TNS3: variants seen among roughly 807,000 people sequenced by gnomAD.
TNS3 encodes the protein tensin-3.
In TNS3, 45 loss-of-function variants were observed where a neutral mutation model predicts 140.9. That is an observed-to-expected ratio of 0.32 (90% confidence interval 0.25 to 0.41). The LOEUF (loss-of-function observed/expected upper bound fraction) is 0.41. Ranked by LOEUF, TNS3 falls within the 10% of genes least tolerant of loss-of-function variation. The pLI is 1.00. For synonymous variants in TNS3, 815 were observed against 788.4 expected (o/e 1.03, Z -0.56); for missense variants, 1,716 against 1,906.7 (o/e 0.90, Z 1.86).
intron 20 of TNS3, among the ~76,000 whole-genome samples, chr7:47,319,263 GT>G (rs1468768636): frequency 6.6e-6 from 1 of 152,174 alleles, no homozygotes; most frequent in Non-Finnish European, 1.5e-5. Flanking sequence ...TTCCATTGAT[GT>G]GCACTCTGCA....
chr7:47,328,427 C>T (rs1788149725), intron 20 of TNS3, among the ~76,000 whole-genome samples: 1 of 152,202 alleles, frequency 6.6e-6, no homozygotes, highest in Non-Finnish European at 1.5e-5. Context: ...GGCTTAGTTT[C>T]AGCCTCAGGC....
chr7:47,445,475 C>A (rs2151598817), intron 4 of TNS3, among the ~76,000 whole-genome samples: 1 of 152,318 alleles, frequency 6.6e-6, no homozygotes, highest in South Asian at 2.1e-4. Context: ...CCTTCCATCT[C>A]CTGGCTTTCA....
At chr7:47,292,975 C>T (rs1415882468) in intron 25 of TNS3, 70 bp from the exon 26 acceptor site, 1 of 1,392,808 alleles carries the variant, frequency 7.2e-7, no homozygotes, top group East Asian at 2.4e-5. Context: ...GCCAATTTAT[C>T]AGCTGGAATG....
intron 4 of TNS3, among the ~76,000 whole-genome samples, chr7:47,471,948 G>C (rs1796972458): frequency 6.6e-6 from 1 of 152,256 alleles, no homozygotes; most frequent in Non-Finnish European, 1.5e-5. Context: ...AACAAGGCAT[G>C]TGTTCTCTCA....
At chr7:47,296,282 A>C (rs1786017471) in intron 24 of TNS3, among the ~76,000 whole-genome samples, 1 of 152,232 alleles carries the variant, frequency 6.6e-6, no homozygotes, top group Non-Finnish European at 1.5e-5. Context: ...CAACAGCTAC[A>C]AGCAATCTTA....
intron 17 of TNS3, among the ~76,000 whole-genome samples, chr7:47,366,110 T>G (rs1790682738): frequency 6.6e-6 from 1 of 152,190 alleles, no homozygotes; most frequent in South Asian, 2.1e-4. Flanking sequence ...TAACTTCTTT[T>G]AAGAAGGTTT....
intron 1 of TNS3, chr7:47,539,078 G>A (rs1799707635): frequency 2.2e-6 from 1 of 456,562 alleles, no homozygotes; most frequent in African/African-American, 2.0e-5. Context: ...CCCTTACCAT[G>A]GTGCCCACAG....
At chr7:47,364,300 T>G (rs62446285) in intron 17 of TNS3, among the ~76,000 whole-genome samples, 59 of 126,918 alleles carry the variant, frequency 4.6e-4, no homozygotes, top group Admixed American at 1.0e-3. Flanking sequence ...TTTTTTTTTT[T>G]GGGCCAGAGT....
chr7:47,396,005 G>A (rs1463113477), intron 16 of TNS3, among the ~76,000 whole-genome samples: 1 of 152,192 alleles, frequency 6.6e-6, no homozygotes, highest in Non-Finnish European at 1.5e-5. Flanking sequence ...AAGATGAGGC[G>A]CTACTGCAGT....
intron 1 of TNS3, among the ~76,000 whole-genome samples, chr7:47,530,346 T>A (rs1799346764): frequency 6.6e-6 from 1 of 151,990 alleles, no homozygotes; most frequent in Non-Finnish European, 1.5e-5. Flanking sequence ...CACACAGAGA[T>A]GAGACAACCT....
At chr7:47,342,219 T>C (rs907019482) in intron 20 of TNS3, among the ~76,000 whole-genome samples, 3 of 152,212 alleles carry the variant, frequency 2.0e-5, no homozygotes, top group African/African-American at 4.8e-5. Flanking sequence ...TTCTTATATT[T>C]GTCTTATACT....
rs552082534 is a variant in TNS3, at chr7:47,346,297, C to T, written c.2341G>A (p.Asp781Asn). The T allele has an allele frequency of 3.2e-5, 52 of 1,614,224 alleles. No homozygotes were observed. The highest frequency in any genetic ancestry group is 4.1e-5 in the Non-Finnish European group (48 of 1,180,044). ...RLRKLSLGQY[D>N]NDAGGQLPFS... ...GGCAGCTGCCCCCCAGCATCGTTGT[C>T]GTACTGCCCCAGGCTCAGCTTCCTG... The change falls in exon 18 of 31, where the codon GAC (aspartate) becomes AAC (asparagine). Residue 781 changes from aspartate (D) to asparagine (N), a missense_variant. Transcript: ENST00000311160.
intron 13 of TNS3, among the ~76,000 whole-genome samples, chr7:47,405,814 T>G (rs1462540611): frequency 1.3e-5 from 2 of 152,120 alleles, no homozygotes; most frequent in African/African-American, 4.8e-5. Context: ...GCAACAGCAC[T>G]ATTTGTTTGT....
At chr7:47,501,636 C>T (rs1798230986) in intron 3 of TNS3, among the ~76,000 whole-genome samples, 1 of 152,174 alleles carries the variant, frequency 6.6e-6, no homozygotes, top group South Asian at 2.1e-4. Flanking sequence ...GCAGCTCCCA[C>T]AGCCTCCCTC....
At chr7:47,533,172 GC>G in intron 1 of TNS3, among the ~76,000 whole-genome samples, 1 of 121,182 alleles carries the variant, frequency 8.3e-6, no homozygotes, top group Non-Finnish European at 1.6e-5. Context: ...TCGCTCTGTC[GC>G]CCACACTGGA....
intron 4 of TNS3, among the ~76,000 whole-genome samples, chr7:47,474,688 C>G (rs943232228): frequency 3.4e-5 from 5 of 147,588 alleles, no homozygotes; most frequent in Non-Finnish European, 7.5e-5. Context: ...AAACACCTCA[C>G]ACATAATACA....
chr7:47,534,696 G>A (rs186829969), intron 1 of TNS3, among the ~76,000 whole-genome samples: 1 of 152,300 alleles, frequency 6.6e-6, no homozygotes, highest in African/African-American at 2.4e-5. Flanking sequence ...TTATTATGTA[G>A]TTGTTCCTAT....
chr7:47,373,058 A>AG (rs1450337787), intron 16 of TNS3, among the ~76,000 whole-genome samples: 1 of 152,188 alleles, frequency 6.6e-6, no homozygotes, highest in Non-Finnish European at 1.5e-5. Flanking sequence ...CAGTGGGGGC[A>AG]GGAGAGTCAG....
chr7:47,483,670 C>CT (rs767006355), intron 3 of TNS3, among the ~76,000 whole-genome samples: 6 of 152,210 alleles, frequency 3.9e-5, no homozygotes, highest in Non-Finnish European at 7.3e-5. Flanking sequence ...TCCCACATCC[C>CT]TCTGTGGCCA....
Sources: gnomAD v4.1 joint callset for allele counts (sites outside exome capture counted in the v4.1 genomes callset) on GRCh38, gnomAD v4.1.1 for gene constraint, MANE v1.5 for transcripts, NCBI Gene and HGNC (gene_info 2026-07-23, HGNC 2026-07-21) for gene names.